The following SNTG2 variants were observed in gnomAD, a reference collection of about 807,000 sequenced individuals.
The protein encoded by SNTG2 is gamma-2-syntrophin.
A neutral mutation model predicts 70.9 loss-of-function variants in SNTG2; 74 were observed. The observed-to-expected ratio is 1.04, with a 90% CI of 0.86 to 1.27. The LOEUF (loss-of-function observed/expected upper bound fraction) is 1.27, where lower values mean the gene tolerates loss of function less well. SNTG2 is among the 50% of genes most tolerant of loss of function. SNTG2 has a pLI of 0.00. For synonymous variants in SNTG2, 278 were observed against 273.8 expected, an observed-to-expected ratio of 1.02 and a Z score of -0.15; for missense variants, 717 against 690.7, an observed-to-expected ratio of 1.04 and a Z score of -0.43.
intron 1 of SNTG2, among the ~76,000 whole-genome samples, chr2:955,492 C>A (rs978132541): frequency 2.6e-5 from 4 of 152,200 alleles, no homozygotes; most frequent in Non-Finnish European, 5.9e-5. Flanking sequence ...TTGTACTCAG[C>A]CAGTGGCAGT....
chr2:1,266,989 T>G (rs925486804), intron 13 of SNTG2, among the ~76,000 whole-genome samples: 1 of 152,154 alleles, frequency 6.6e-6, no homozygotes, highest in Non-Finnish European at 1.5e-5. Context: ...CAGGCTGGTC[T>G]CAGACTCCTG....
At chr2:977,041 C>G (rs1371370562) in intron 1 of SNTG2, among the ~76,000 whole-genome samples, 2 of 152,184 alleles carry the variant, frequency 1.3e-5, no homozygotes, top group Non-Finnish European at 2.9e-5. Context: ...TATATGCCTG[C>G]TCTCTGCACG....
At chr2:1,012,639 G>A (rs189461838) in intron 1 of SNTG2, among the ~76,000 whole-genome samples, 22 of 138,618 alleles carry the variant, frequency 1.6e-4, no homozygotes, top group African/African-American at 5.3e-4. Context: ...CAGAGAGAAG[G>A]GTGGTCTGTA....
chr2:1,005,878 C>A (rs1472867610), intron 1 of SNTG2, among the ~76,000 whole-genome samples: 1 of 72,822 alleles, frequency 1.4e-5, no homozygotes, highest in Non-Finnish European at 2.8e-5. Flanking sequence ...TATATATAAA[C>A]GTTGACATTG....
chr2:1,165,630 C>A lies in SNTG2; in HGVS notation c.494C>A (p.Pro165Gln). ...LREAPAFLKL[P>Q]LGSPGPSSDH... ...GAAGCGCCGGCATTTCTGAAGCTCC[C>A]GTTAGGTAAGTGGGAAGAGGAGAAA... The change falls in exon 7 of 17, where the codon CCG becomes CAG. Residue 165 changes from proline (P) to glutamine (Q), a missense_variant. Physicochemically the swap from Pro to Gln is moderately conservative, Grantham distance 76. Transcript: ENST00000308624. 1 of 1,611,512 alleles carries A rather than the reference C, an allele frequency of 6.2e-7. No individual in the cohort carries two copies. Among genetic ancestry groups the A allele is most frequent in the Non-Finnish European group, 8.5e-7 (1 of 1,179,030 alleles).
chr2:1,225,236 G>A (rs1675691571), intron 9 of SNTG2, among the ~76,000 whole-genome samples: 1 of 152,166 alleles, frequency 6.6e-6, no homozygotes, highest in South Asian at 2.1e-4. Context: ...TAAAACCACT[G>A]CAGCATATAA....
intron 9 of SNTG2, among the ~76,000 whole-genome samples, chr2:1,223,234 G>A (rs34558614): frequency 4.1e-4 from 46 of 112,384 alleles, no homozygotes; most frequent in Non-Finnish European, 6.1e-4. Context: ...TGCTGCTGGA[G>A]GTGCTGGATC....
chr2:1,331,858 A>C (rs1275986251), intron 16 of SNTG2, among the ~76,000 whole-genome samples: 1 of 152,194 alleles, frequency 6.6e-6, no homozygotes, highest in Non-Finnish European at 1.5e-5. Context: ...AGAAAAATGC[A>C]CACTCCTGGG....
intron 11 of SNTG2, among the ~76,000 whole-genome samples, chr2:1,246,801 G>A (rs888335409): frequency 6.6e-6 from 1 of 152,038 alleles, no homozygotes; most frequent in Admixed American, 6.5e-5. Flanking sequence ...GATTTTGATA[G>A]GTTGGATTTT....
At chr2:1,016,774 T>G (rs952302939) in intron 1 of SNTG2, among the ~76,000 whole-genome samples, 1 of 152,250 alleles carries the variant, frequency 6.6e-6, no homozygotes, top group Non-Finnish European at 1.5e-5. Context: ...GTGACACATA[T>G]TCACTTTGGG....
At chr2:1,197,549 G>GTGTGTGTGTA (rs1553353498) in intron 8 of SNTG2, among the ~76,000 whole-genome samples, 1 of 138,626 alleles carries the variant, frequency 7.2e-6, no homozygotes, top group East Asian at 2.5e-4. Context: ...GTGTGTGTGT[G>GTGTGTGTGTA]TATATTTGAT....
intron 9 of SNTG2, among the ~76,000 whole-genome samples, chr2:1,219,682 A>C (rs1160948591): frequency 6.6e-6 from 1 of 150,454 alleles, no homozygotes; most frequent in Non-Finnish European, 1.5e-5. Flanking sequence ...GAAGGAAAGA[A>C]AGGGAAGGGA....
rs1351542573 is a variant in SNTG2, at chr2:1,267,536, C to T, written c.1249C>T (p.Gln417Ter). Residue 417 changes from glutamine to a stop codon, truncating the protein, a stop_gained, in exon 14 of 17, where the codon CAA becomes TAA. Transcript: ENST00000308624. LOFTEE classifies it high-confidence loss of function. ...GCTGGCCATGTGGGAGAAGTCCTTC[C>T]AAAGAGCCACGTTCATGGAAGTTCA... Reference protein sequence around the residue: ...SELAMWEKSFQRATFMEVQRT... With the variant: ...SELAMWEKSF 3 of 1,613,354 alleles carry T rather than the reference C, an allele frequency of 1.9e-6. No individual in the cohort carries two copies. The highest frequency in any genetic ancestry group is 1.3e-5 in the African/African-American group (1 of 74,898).
intron 14 of SNTG2, among the ~76,000 whole-genome samples, chr2:1,284,172 AAG>A (rs1223921488): frequency 6.6e-6 from 1 of 152,208 alleles, no homozygotes; most frequent in Non-Finnish European, 1.5e-5. Context: ...GATTGGAACT[AAG>A]AGCGCTGGTG....
intron 1 of SNTG2, among the ~76,000 whole-genome samples, chr2:1,052,561 A>C (rs994275914): frequency 6.6e-6 from 1 of 152,006 alleles, no homozygotes; most frequent in Non-Finnish European, 1.5e-5. Flanking sequence ...CTTCTGTTTC[A>C]TGTATTTCTG....
intron 8 of SNTG2, among the ~76,000 whole-genome samples, chr2:1,200,284 A>G (rs915021425): frequency 2.0e-5 from 3 of 152,150 alleles, no homozygotes; most frequent in Non-Finnish European, 2.9e-5. Flanking sequence ...ACTCTCTTCA[A>G]TACATGGTTC....
intron 12 of SNTG2, among the ~76,000 whole-genome samples, chr2:1,249,737 A>C (rs1677646040): frequency 6.6e-6 from 1 of 152,252 alleles, no homozygotes; most frequent in African/African-American, 2.4e-5. Flanking sequence ...CTTTTAAAGA[A>C]ATCCTAATGT....
intron 14 of SNTG2, among the ~76,000 whole-genome samples, chr2:1,292,199 T>C (rs1008549053): frequency 4.7e-4 from 53 of 113,954 alleles, no homozygotes; most frequent in African/African-American, 1.6e-3. Context: ...CTGCAACTTT[T>C]TTGTGCAGGA....
intron 9 of SNTG2, among the ~76,000 whole-genome samples, chr2:1,236,734 T>C (rs1470463173): frequency 6.6e-6 from 1 of 152,124 alleles, no homozygotes; most frequent in African/African-American, 2.4e-5. Context: ...TGTTATACCA[T>C]CTCTGTTTCC....
Sources: allele counts gnomAD v4.1 joint callset (sites outside exome capture counted in the v4.1 genomes callset), GRCh38; gene constraint gnomAD v4.1.1; transcripts MANE v1.5; gene names NCBI Gene and HGNC (gene_info 2026-07-23, HGNC 2026-07-21).